The following SLC4A11 variants were observed in gnomAD, a reference collection of about 807,000 sequenced individuals.
The protein encoded by SLC4A11 is bicarbonate transporter related protein 1.
SLC4A11 carries 74 observed loss-of-function variants against 95.0 expected under a neutral mutation model. The observed-to-expected ratio is 0.78, with a 90% CI of 0.65 to 0.95. The LOEUF (loss-of-function observed/expected upper bound fraction) is 0.95. SLC4A11 is among the 40% of genes least tolerant of loss of function. The pLI, the probability that SLC4A11 is intolerant of heterozygous loss-of-function variation, is 0.00. For missense variants in SLC4A11, 1,081 were observed against 1,192.4 expected, an observed-to-expected ratio of 0.91 and a Z score of 1.38; for synonymous variants, 548 against 519.0, an observed-to-expected ratio of 1.06 and a Z score of -0.76.
intron 2 of SLC4A11, among the ~76,000 whole-genome samples, chr20:3,235,501 G>T (rs557479429): frequency 6.6e-6 from 1 of 152,214 alleles, no homozygotes; most frequent in Non-Finnish European, 1.5e-5. Flanking sequence ...GGCTGACAGG[G>T]GAGAGGACCC....
At chr20:3,237,802 T>G in intron 1 of SLC4A11, 2 of 1,591,538 alleles carry the variant, frequency 1.3e-6, no homozygotes, top group Admixed American at 1.8e-5. Context: ...ATTCAATTGC[T>G]TAGCCCATCT....
chr20:3,231,618 G>A lies in SLC4A11; in HGVS notation c.730-70C>T. On this transcript the variant is annotated intron_variant, in intron 7 of 19. Coordinates refer to ENST00000642402, the MANE Select transcript of SLC4A11 (RefSeq NM_001174089.2). The surrounding 1 kb of genome is among the most constrained non-coding windows in gnomAD (Gnocchi z 5.2). Reference sequence around the variant, plus strand: ...CTGCCCGGGCCGAGCAGGTGAAGGTGCTCTCCCCATGAACTGGCAGCAGGT... The same window carrying A: ...CTGCCCGGGCCGAGCAGGTGAAGGTACTCTCCCCATGAACTGGCAGCAGGT... The A allele has an allele frequency of 2.1e-6, 3 of 1,439,936 alleles. No homozygotes were observed. The highest frequency in any genetic ancestry group is 2.9e-6 in the Non-Finnish European group (3 of 1,025,608). 89.2% of individuals were successfully genotyped at this position (1,439,936 alleles called of 1,614,324 possible).
At chr20:3,229,965 T>G (rs2067697619) in intron 13 of SLC4A11, among the ~76,000 whole-genome samples, 189 bp from the exon 14 acceptor site, 1 of 152,140 alleles carries the variant, frequency 6.6e-6, no homozygotes. Context: ...GTCGGCCCAG[T>G]GCCTCTGCCC....
intron 1 of SLC4A11, chr20:3,238,044 C>T: frequency 6.7e-7 from 1 of 1,501,584 alleles, no homozygotes; most frequent in Non-Finnish European, 8.9e-7. Flanking sequence ...CAGACCGGTC[C>T]TGGGGGCCAT....
chr20:3,233,908 C>G lies in SLC4A11; in HGVS notation c.605+13G>C, dbSNP rs2067870001. On this transcript the variant is annotated intron_variant, in intron 6 of 19. Transcript: ENST00000642402. ...TGCGACAAGAAGGGGGGCCAAGTGG[C>G]CTGGCAACTCACATGATGCAGAGCC... 1 of 1,612,160 alleles carries G rather than the reference C, an allele frequency of 6.2e-7. No homozygotes were observed. The highest frequency in any genetic ancestry group is 1.3e-5 in the African/African-American group (1 of 74,992).
intron 2 of SLC4A11, 148 bp downstream of exon 2, chr20:3,237,396 G>C: frequency 1.2e-6 from 1 of 848,366 alleles, no homozygotes; most frequent in Admixed American, 1.8e-5. Context: ...CTAGCTTCCC[G>C]AAGAGTGGAA....
chr20:3,234,412 C>CAGCCCCT lies in SLC4A11; in HGVS notation c.292-99_292-98insAGGGGCT. ...CAGCCAGCCGCAGCAGTCCAGCCCC[C>CAGCCCCT]AGCCCCCAGCCCCCAGCCCTGGGCT... On this transcript the variant is annotated intron_variant, in intron 4 of 19. Transcript: ENST00000642402. This position sits in a 1 kb window ranked among gnomAD's most constrained non-coding sequence, Gnocchi z 5.8. 2.7e-6 allele frequency: 4 copies of CAGCCCCT among 1,476,384 alleles called. No homozygotes were observed. Among genetic ancestry groups the CAGCCCCT allele is most frequent in the Non-Finnish European group, 3.8e-6 (4 of 1,066,592 alleles). The allele number at this position is 1,476,384 out of a possible 1,614,324, so 91.5% of individuals were successfully genotyped here.
At position 3,231,124 on chromosome 20, in the gene SLC4A11, G is replaced by C. The variant is rs910222824; in HGVS notation, c.1042+25C>G. Reference sequence around the variant, plus strand: ...AGGACAGGCACACGTGTGGGCCCAAGGCCTGGAAAGCAGAGGCCACGTACC... The same window carrying C: ...AGGACAGGCACACGTGTGGGCCCAACGCCTGGAAAGCAGAGGCCACGTACC... On this transcript the variant is annotated intron_variant, in intron 9 of 19. Transcript: ENST00000642402. This position sits in a 1 kb window ranked among gnomAD's most constrained non-coding sequence, Gnocchi z 5.2. 1 of 1,614,056 alleles carries C rather than the reference G, an allele frequency of 6.2e-7. No individual in the cohort carries two copies. The highest frequency in any genetic ancestry group is 1.1e-5 in the South Asian group (1 of 91,092).
At chr20:3,233,393 G>A in intron 7 of SLC4A11, 121 bp downstream of exon 7, 4 of 1,457,228 alleles carry the variant, frequency 2.7e-6, no homozygotes, top group South Asian at 1.2e-5. Flanking sequence ...ACAGGGCCGA[G>A]GCGAAGGGGA....
Position 3,234,756 on chromosome 20 carries a change from T to G in SLC4A11, c.227A>C (p.Gln76Pro). 1 of 1,613,968 alleles carries G rather than the reference T, an allele frequency of 6.2e-7. No homozygotes were observed. The highest frequency in any genetic ancestry group is 8.5e-7 in the Non-Finnish European group (1 of 1,179,992). The change falls in exon 3 of 20, where the codon CAG becomes CCG. Residue 76 changes from glutamine (Q) to proline (P), a missense_variant. By Grantham distance (76) the Gln-to-Pro change is moderately conservative (BLOSUM62 -1). Coordinates refer to ENST00000642402, the MANE Select transcript of SLC4A11 (RefSeq NM_001174089.2). The surrounding 1 kb of genome is among the most constrained non-coding windows in gnomAD (Gnocchi z 5.8). ...RFFVNVNLEM[Q>P]ATNTENEATS... ...AGCCCCCATACCAGTGTTGGTGGCC[T>G]GCATCTCAAGGTTGACATTGACAAA...
Position 3,231,130 on chromosome 20 carries a change from G to T in SLC4A11, c.1042+19C>A. 1 of 1,614,172 alleles carries T rather than the reference G, an allele frequency of 6.2e-7. No individual in the cohort carries two copies. Among genetic ancestry groups the T allele is most frequent in the Non-Finnish European group, 8.5e-7 (1 of 1,180,034 alleles). ...GGCACACGTGTGGGCCCAAGGCCTGGAAAGCAGAGGCCACGTACCATCAGT... is the reference window on the plus strand; with the variant it reads ...GGCACACGTGTGGGCCCAAGGCCTGTAAAGCAGAGGCCACGTACCATCAGT... On this transcript the variant is annotated intron_variant, in intron 9 of 19. Transcript: ENST00000642402. This position sits in a 1 kb window ranked among gnomAD's most constrained non-coding sequence, Gnocchi z 5.2.
At position 3,231,795 on chromosome 20, in the gene SLC4A11, G is replaced by A. The variant is rs114318887; in HGVS notation, c.730-247C>T. 2.7e-3 allele frequency among the ~76,000 whole-genome samples: 415 copies of A among 152,278 alleles called. 2 individuals are homozygous for A. The highest frequency in any genetic ancestry group is 9.5e-3 in the African/African-American group (396 of 41,550). On this transcript the variant is annotated intron_variant, in intron 7 of 19. Transcript: ENST00000642402. The surrounding 1 kb of genome is among the most constrained non-coding windows in gnomAD (Gnocchi z 5.2). ...AGTCCCCTGAGTAGCTGGGACCACA[G>A]GCACGCACCACCATGCCAGGCAATT...
In SLC4A11 at chr20:3,230,167, T is replaced by G; in HGVS notation, c.1489+20A>C. ...TCGGCTGAGCGCCCTGTTCAGCAGG[T>G]GGCCCCCAGCCGCACTCACTTTTAA... is the stretch of plus-strand genomic sequence containing the variant. On this transcript the variant is annotated intron_variant, in intron 13 of 19. Coordinates refer to ENST00000642402, the MANE Select transcript of SLC4A11 (RefSeq NM_001174089.2). 1 of 1,613,184 alleles carries G rather than the reference T, an allele frequency of 6.2e-7. No homozygotes were observed. Among genetic ancestry groups the G allele is most frequent in the Non-Finnish European group, 8.5e-7 (1 of 1,179,864 alleles).
At chr20:3,235,414 A>G (rs1261063898) in intron 2 of SLC4A11, among the ~76,000 whole-genome samples, 1 of 151,268 alleles carries the variant, frequency 6.6e-6, no homozygotes, top group Non-Finnish European at 1.5e-5. Context: ...GGTGGGGAGA[A>G]GCATCGAGGC....
At chr20:3,239,215 C>A (rs888279798), upstream of SLC4A11, 8 of 1,322,976 alleles carry the variant, frequency 6.0e-6, no homozygotes, top group African/African-American at 7.7e-5. Context: ...GCGACTCGGG[C>A]GGGCCGGCGG....
At chr20:3,238,049 G>C in intron 1 of SLC4A11, 1 of 1,496,710 alleles carries the variant, frequency 6.7e-7, no homozygotes, top group Non-Finnish European at 8.9e-7. Context: ...CGGTCCTGGG[G>C]GCCATAAACG....
chr20:3,234,408 C>A lies in SLC4A11; in HGVS notation c.292-94G>T, dbSNP rs1447646063. 2.8e-6 allele frequency: 4 copies of A among 1,434,078 alleles called. No homozygotes were observed. The African/African-American group carries it at 4.4e-5, about 16-fold the overall frequency. The allele number at this position is 1,434,078 out of a possible 1,614,324, so 88.8% of individuals were successfully genotyped here. A position where few individuals can be genotyped will look rare whatever the true frequency, so the allele number is the denominator to read the frequency against. ...CTCCCAGCCAGCCGCAGCAGTCCAG[C>A]CCCCAGCCCCCAGCCCCCAGCCCTG... is the stretch of plus-strand genomic sequence containing the variant. On this transcript the variant is annotated intron_variant, in intron 4 of 19. Coordinates refer to ENST00000642402, the MANE Select transcript of SLC4A11 (RefSeq NM_001174089.2). The surrounding 1 kb of genome is among the most constrained non-coding windows in gnomAD (Gnocchi z 5.8).
chr20:3,238,197 T>C (rs775627273), intron 1 of SLC4A11: 124 of 1,422,716 alleles, frequency 8.7e-5, no homozygotes, highest in African/African-American at 1.0e-4. Flanking sequence ...GGGAGAACAA[T>C]TGGGGGTGGG....
At position 3,229,517 on chromosome 20, in the gene SLC4A11, C is replaced by T. The variant is rs755667559; in HGVS notation, c.1742+7G>A. 6.2e-7 allele frequency: 1 copy of T among 1,612,802 alleles called. No individual in the cohort carries two copies. The highest frequency in any genetic ancestry group is 8.5e-7 in the Non-Finnish European group (1 of 1,179,946). ...GCGGCCCCTCCCCTCCCCATGCAGC[C>T]CCTCACCTCTTCTTGAATTGGTAGA... is the stretch of plus-strand genomic sequence containing the variant. On this transcript the variant is annotated splice_region_variant and intron_variant, in intron 14 of 19. Coordinates refer to ENST00000642402, the MANE Select transcript of SLC4A11 (RefSeq NM_001174089.2).
Sources: gnomAD v4.1 joint callset for allele counts (sites outside exome capture counted in the v4.1 genomes callset) on GRCh38, gnomAD v4.1.1 for gene constraint, Gnocchi (gnomAD v3.1) non-coding constraint, MANE v1.5 for transcripts, NCBI Gene and HGNC (gene_info 2026-07-23, HGNC 2026-07-21) for gene names.